ABCA8: variants seen among roughly 807,000 people sequenced by gnomAD.
ABCA8 encodes ABC-type organic anion transporter ABCA8.
A neutral mutation model predicts 192.3 loss-of-function variants in ABCA8; 177 were observed. The ratio of observed to expected loss-of-function variants is 0.92; its 90% CI spans 0.81 to 1.04. ABCA8 has a LOEUF of 1.04. ABCA8 is among the 50% of genes least tolerant of loss of function. ABCA8 has a pLI of 0.00. For missense variants in ABCA8, 1,915 were observed against 1,904.8 expected (o/e 1.01, Z -0.10); for synonymous variants, 642 against 690.2 (o/e 0.93, Z 1.09).
chr17:68,896,413 ACT>A (rs1332350106), intron 21 of ABCA8, among the ~76,000 whole-genome samples: 4 of 152,174 alleles, frequency 2.6e-5, no homozygotes, highest in Non-Finnish European at 5.9e-5. Flanking sequence ...AGTTTTAGTT[ACT>A]TTTAGTCCAC....
At chr17:68,868,579 G>A (rs1014872897) in intron 38 of ABCA8, among the ~76,000 whole-genome samples, 6 of 152,206 alleles carry the variant, frequency 3.9e-5, no homozygotes, top group Admixed American at 3.3e-4. Flanking sequence ...CAGTTTTTGC[G>A]AACTGTATTT....
intron 22 of ABCA8, 56 bp from the exon 23 acceptor site, chr17:68,894,366 A>G: frequency 1.4e-6 from 2 of 1,479,028 alleles, no homozygotes; most frequent in South Asian, 2.7e-5. Context: ...TGTTCTCTAA[A>G]AAAGTCAAAA....
In ABCA8 at chr17:68,877,552, A is replaced by G; in HGVS notation, c.4166T>C (p.Leu1389Pro). The G allele has an allele frequency of 6.2e-7, 1 of 1,613,858 alleles. No individual in the cohort carries two copies. Among genetic ancestry groups the G allele is most frequent in the Non-Finnish European group, 8.5e-7 (1 of 1,179,892 alleles). ...GGCAACCTCAGCATCCCCTTTCCTC[A>G]GCCCTTTCACGGCGGCGTACACCTC... ...HLEVYAAVKGLRKGDAEVAIT... is the reference protein window; with the variant it reads ...HLEVYAAVKGPRKGDAEVAIT... The change falls in exon 33 of 40, where the codon CTG becomes CCG. Residue 1389 changes from leucine to proline, a missense_variant. Transcript: ENST00000586539.
chr17:68,869,673 G>T (rs375557795), intron 38 of ABCA8, 27 bp downstream of exon 38: 124 of 1,434,280 alleles, frequency 8.6e-5, no homozygotes, highest in Non-Finnish European at 1.2e-4. Context: ...TCTTTCCAGG[G>T]TCGTACTTCA....
chr17:68,907,890 G>T lies in ABCA8; in HGVS notation c.2139-11C>A, dbSNP rs199770005. On this transcript the variant is annotated splice_polypyrimidine_tract_variant and intron_variant, in intron 17 of 39. Coordinates refer to ENST00000586539, the MANE Select transcript of ABCA8 (RefSeq NM_001288985.2). The stretch of plus-strand genomic sequence containing the variant: ...TCATTTAACTGCAAGCTGGCATTCA[G>T]AAAAAAAAAAAAAGACATATGTTAC... The T allele has an allele frequency of 1.5e-6, 2 of 1,316,586 alleles. No individual in the cohort carries two copies. Among genetic ancestry groups the T allele is most frequent in the Non-Finnish European group, 2.0e-6 (2 of 985,044 alleles). The allele number at this position is 1,316,586 out of a possible 1,614,324, so 81.6% of individuals were successfully genotyped here. A position where few individuals can be genotyped will look rare whatever the true frequency, so the allele number is the denominator to read the frequency against.
At chr17:68,950,253 A>T (rs551254332) in intron 1 of ABCA8, among the ~76,000 whole-genome samples, 48 of 152,324 alleles carry the variant, frequency 3.2e-4, no homozygotes, top group Non-Finnish European at 5.0e-4. Context: ...TATCATGAAA[A>T]TGGCCATACT....
intron 13 of ABCA8, among the ~76,000 whole-genome samples, chr17:68,920,908 T>G (rs1224151459): frequency 6.6e-6 from 1 of 152,162 alleles, no homozygotes; most frequent in South Asian, 2.1e-4. Flanking sequence ...CACGTATGTT[T>G]ATTGTGGCAC....
At chr17:68,891,818 T>A (rs2066629723) in intron 23 of ABCA8, among the ~76,000 whole-genome samples, 1 of 152,346 alleles carries the variant, frequency 6.6e-6, no homozygotes, top group African/African-American at 2.4e-5. Flanking sequence ...CTGATAACAT[T>A]TGGAAAATAA....
intron 12 of ABCA8, 35 bp from the exon 13 acceptor site, chr17:68,921,527 A>C (rs978208286): frequency 2.1e-6 from 3 of 1,402,392 alleles, no homozygotes; most frequent in African/African-American, 1.4e-5. Context: ...GAAAGATAAG[A>C]TAAAGGGATG....
chr17:68,921,215 G>T (rs1328608598), intron 13 of ABCA8, among the ~76,000 whole-genome samples, 167 bp downstream of exon 13: 1 of 152,078 alleles, frequency 6.6e-6, no homozygotes, highest in African/African-American at 2.4e-5. Flanking sequence ...TGGGGGGAGT[G>T]GGGAGGGATA....
intron 18 of ABCA8, 64 bp downstream of exon 18, chr17:68,907,676 T>C (rs1424481999): frequency 1.4e-6 from 2 of 1,384,308 alleles, no homozygotes; most frequent in Admixed American, 2.6e-5. Context: ...GTTGTAATGA[T>C]AATAATTATG....
At chr17:68,947,447 A>G (rs1286777827) in intron 2 of ABCA8, among the ~76,000 whole-genome samples, 1 of 152,184 alleles carries the variant, frequency 6.6e-6, no homozygotes, top group Admixed American at 6.5e-5. Context: ...TTTTAGCCTC[A>G]GTGTTATGTT....
rs756805181 is a variant in ABCA8, at chr17:68,919,297, G to A, written c.1788+4C>T. ...AACACATTAACTTTAACATATTTTT[G>A]TACCTCTTTATCCACTTCTTGTGGC... is the stretch of plus-strand genomic sequence containing the variant. On this transcript the variant is annotated splice_donor_region_variant and intron_variant, in intron 14 of 39. Transcript: ENST00000586539. The A allele has an allele frequency of 1.3e-6, 2 of 1,591,656 alleles. No individual in the cohort carries two copies. The highest frequency in any genetic ancestry group is 2.2e-5 in the East Asian group (1 of 44,578).
In ABCA8 at chr17:68,875,071, G is replaced by T. The variant is rs143917337; in HGVS notation, c.4631+189C>A. ...ACACAATACCAGGACAGCCCCTGGC[G>T]CATAGTGGAACCATGACATTTGCTA... On this transcript the variant is annotated intron_variant, in intron 37 of 39. Coordinates refer to ENST00000586539, the MANE Select transcript of ABCA8 (RefSeq NM_001288985.2). Among the ~76,000 whole-genome samples the T allele has an allele frequency of 3.7e-3, 557 of 152,276 alleles. 3 individuals carry two copies. The highest frequency in any genetic ancestry group is 0.017 in the Middle Eastern group (5 of 294).
chr17:68,929,642 A>G lies in ABCA8; in HGVS notation c.858T>C (p.Leu286=). Residue 286 remains leucine, a synonymous_variant, in exon 8 of 40, where the codon CTT becomes CTC. Coordinates refer to ENST00000586539, the MANE Select transcript of ABCA8 (RefSeq NM_001288985.2). Reference sequence around the variant, plus strand: ...TGATAAACTGGGTAGATCTTATAACAAGTGCCAAGAAAAGGGCCATAATGA... The same window carrying G: ...TGATAAACTGGGTAGATCTTATAACGAGTGCCAAGAAAAGGGCCATAATGA... ...FIFIMALFLA[L]VIRSTQFIIL... 4 of 1,613,658 alleles carry G rather than the reference A, an allele frequency of 2.5e-6. No homozygotes were observed. The highest frequency in any genetic ancestry group is 3.4e-6 in the Non-Finnish European group (4 of 1,179,726).
At chr17:68,943,004 G>A (rs1334431857) in intron 2 of ABCA8, among the ~76,000 whole-genome samples, 3 of 152,044 alleles carry the variant, frequency 2.0e-5, no homozygotes, top group Non-Finnish European at 4.4e-5. Context: ...TAAATAATCT[G>A]TTTTAGGAAT....
intron 18 of ABCA8, 44 bp from the exon 19 acceptor site, chr17:68,906,207 A>G (rs1156671536): frequency 7.1e-7 from 1 of 1,399,962 alleles, no homozygotes; most frequent in African/African-American, 1.5e-5. Flanking sequence ...AAGAATCACA[A>G]GTGAACTGAA....
At chr17:68,922,343 G>A in intron 11 of ABCA8, 43 bp from the exon 12 acceptor site, 1 of 1,270,264 alleles carries the variant, frequency 7.9e-7, no homozygotes, top group Non-Finnish European at 1.1e-6. Context: ...ATTTTCTTCA[G>A]TTTGTAATTT....
chr17:68,909,360 T>C (rs1234712176), intron 17 of ABCA8, among the ~76,000 whole-genome samples: 1 of 152,172 alleles, frequency 6.6e-6, no homozygotes, highest in Non-Finnish European at 1.5e-5. Context: ...AGGGCATGAC[T>C]GGGCTCCAAC....
Sources: allele counts gnomAD v4.1 joint callset (sites outside exome capture counted in the v4.1 genomes callset), GRCh38; gene constraint gnomAD v4.1.1; transcripts MANE v1.5; gene names NCBI Gene and HGNC (gene_info 2026-07-23, HGNC 2026-07-21).